ADK: variants seen among roughly 807,000 people sequenced by gnomAD.
The protein encoded by ADK is adenosine kinase.
In ADK, 24 loss-of-function variants were observed where a neutral mutation model predicts 44.7. The ratio of observed to expected loss-of-function variants is 0.54; its 90% CI spans 0.39 to 0.76. The LOEUF is 0.76. ADK is among the 30% of genes least tolerant of loss of function. The probability of loss-of-function intolerance (pLI) is 0.00; values close to 1 mark genes in which losing one functional copy is unlikely to be tolerated. For synonymous variants in ADK, 128 were observed against 142.6 expected, an observed-to-expected ratio of 0.90 and a Z score of 0.73; for missense variants, 321 against 425.1, an observed-to-expected ratio of 0.76 and a Z score of 2.15.
chr10:74,351,640 A>G (rs1395465801), intron 4 of ADK, among the ~76,000 whole-genome samples: 1 of 152,208 alleles, frequency 6.6e-6, no homozygotes, highest in Admixed American at 6.5e-5. Flanking sequence ...CTCTGTTTGC[A>G]GATGACATGA....
chr10:74,238,453 G>A (rs559163021), intron 3 of ADK, among the ~76,000 whole-genome samples: 1 of 152,058 alleles, frequency 6.6e-6, no homozygotes, highest in East Asian at 1.9e-4. Context: ...ACTTAGAAAC[G>A]GCCTCAGTAA....
chr10:74,694,299 T>C (rs4746221), intron 10 of ADK, among the ~76,000 whole-genome samples: 105,302 of 151,134 alleles, frequency 0.7, 36,891 homozygotes, highest in Middle Eastern at 0.79. Flanking sequence ...GCCTGTAATC[T>C]GAAAACCTTG....
chr10:74,340,357 T>C (rs1215648037), intron 4 of ADK, among the ~76,000 whole-genome samples: 1 of 152,136 alleles, frequency 6.6e-6, no homozygotes, highest in Non-Finnish European at 1.5e-5. Context: ...TCCCATATAA[T>C]TTTTGAGTAG....
intron 10 of ADK, among the ~76,000 whole-genome samples, chr10:74,687,799 T>C (rs1200389490): frequency 6.6e-6 from 1 of 152,248 alleles, no homozygotes; most frequent in Non-Finnish European, 1.5e-5. Context: ...TGTCCACTTC[T>C]ATTTCTCTGT....
At position 74,151,399 on chromosome 10, in the gene ADK, C is replaced by A. The variant is rs1841580920; in HGVS notation, c.65+56C>A. ...GACGGCGCTGCAAGCAAGCCAGGGC[C>A]CACGTGGGGTTGCACGGCCCCGACG... On this transcript the variant is annotated intron_variant, in intron 1 of 10. Coordinates refer to ENST00000539909, the MANE Select transcript of ADK (RefSeq NM_006721.4). 4 of 1,533,760 alleles carry A rather than the reference C, an allele frequency of 2.6e-6. No individual in the cohort carries two copies. In the East Asian group the frequency reaches 9.8e-5, roughly 38 times the overall value.
At chr10:74,288,167 G>A (rs1487738382) in intron 3 of ADK, among the ~76,000 whole-genome samples, 2 of 151,982 alleles carry the variant, frequency 1.3e-5, no homozygotes, top group Non-Finnish European at 2.9e-5. Flanking sequence ...TAAAATTAAT[G>A]CGGAAGGTTT....
chr10:74,289,419 A>G (rs924938282), intron 3 of ADK, among the ~76,000 whole-genome samples: 2 of 152,186 alleles, frequency 1.3e-5, no homozygotes, highest in Non-Finnish European at 2.9e-5. Flanking sequence ...GGCTAAATAA[A>G]CATTTCACCT....
Position 74,527,701 on chromosome 10 carries a change from G to C in ADK, c.726+2275G>C, listed in dbSNP as rs550311032. On this transcript the variant is annotated intron_variant, in intron 7 of 10. Transcript: ENST00000539909. ...TGTCAAAAATGCCTCTCTTATTTCT[G>C]CATTGTCCACTGGACGTTTTAGTCA... The C allele has an allele frequency of 4.0e-4, 514 of 1,270,700 alleles. 4 individuals are homozygous for C. Among genetic ancestry groups the C allele is most frequent in the Admixed American group, 1.0e-4 (6 of 59,554 alleles). The allele number at this position is 1,270,700 out of a possible 1,614,324, so 78.7% of individuals were successfully genotyped here. A position where few individuals can be genotyped will look rare whatever the true frequency, so the allele number is the denominator to read the frequency against.
chr10:74,244,491 C>G (rs539786389), intron 3 of ADK, among the ~76,000 whole-genome samples: 2 of 152,132 alleles, frequency 1.3e-5, no homozygotes, highest in African/African-American at 4.8e-5. Flanking sequence ...GTTAATATGC[C>G]AGATAACCTT....
intron 9 of ADK, among the ~76,000 whole-genome samples, chr10:74,658,971 T>C (rs1854596552): frequency 6.6e-6 from 1 of 152,056 alleles, no homozygotes; most frequent in Admixed American, 6.6e-5. Flanking sequence ...ATCCCAGTAC[T>C]TCGGGAAGCC....
chr10:74,591,225 T>C (rs1851705094), intron 8 of ADK, among the ~76,000 whole-genome samples: 1 of 152,168 alleles, frequency 6.6e-6, no homozygotes, highest in South Asian at 2.1e-4. Flanking sequence ...ACCTTTCCAT[T>C]AGTTCTTACT....
At chr10:74,459,939 G>A (rs1846109840) in intron 6 of ADK, among the ~76,000 whole-genome samples, 1 of 151,998 alleles carries the variant, frequency 6.6e-6, no homozygotes, top group Non-Finnish European at 1.5e-5. Context: ...ACCCAAGCCT[G>A]TGATCACTTC....
chr10:74,386,263 AT>A (rs1345069503), intron 4 of ADK, among the ~76,000 whole-genome samples: 1 of 152,156 alleles, frequency 6.6e-6, no homozygotes, highest in African/African-American at 2.4e-5. Flanking sequence ...AGTTTTCTGT[AT>A]AAAATTTCAT....
rs1409213101 is a variant in ADK, at chr10:74,654,784, C to G, written c.878-15399C>G. ...TAAGCCAAGATTGTGCCACTGCACT[C>G]CAGCCTGGGTGACAAGAGTGAGACC... On this transcript the variant is annotated intron_variant, in intron 9 of 10. Transcript: ENST00000539909. Among the ~76,000 whole-genome samples the G allele has an allele frequency of 2.6e-5, 4 of 151,186 alleles. No homozygotes were observed. The East Asian group carries it at 7.8e-4, about 29-fold the overall frequency.
intron 7 of ADK, among the ~76,000 whole-genome samples, chr10:74,536,312 A>G (rs1849446312): frequency 6.6e-6 from 1 of 152,014 alleles, no homozygotes; most frequent in African/African-American, 2.4e-5. Flanking sequence ...TTGTTTAGTG[A>G]ACCTAGGGGA....
intron 6 of ADK, among the ~76,000 whole-genome samples, chr10:74,429,661 T>G (rs1048229011): frequency 6.6e-6 from 1 of 152,192 alleles, no homozygotes. Flanking sequence ...ATAGAAAATG[T>G]TTATGGTATA....
intron 6 of ADK, among the ~76,000 whole-genome samples, chr10:74,468,836 A>G (rs1846450755): frequency 1.3e-5 from 2 of 152,298 alleles, no homozygotes; most frequent in South Asian, 4.1e-4. Context: ...ATCTTCTAAT[A>G]CCTAGTTCAT....
intron 1 of ADK, among the ~76,000 whole-genome samples, chr10:74,171,812 G>C (rs58318973): frequency 0.025 from 2,379 of 94,200 alleles, 55 homozygotes; most frequent in African/African-American, 0.1. Flanking sequence ...CTGTCTCTCT[G>C]TGTGTGTGTG....
At position 74,525,431 on chromosome 10, in the gene ADK, G is replaced by A; in HGVS notation, c.726+5G>A. The A allele has an allele frequency of 6.2e-7, 1 of 1,609,140 alleles. No homozygotes were observed. The highest frequency in any genetic ancestry group is 8.5e-7 in the Non-Finnish European group (1 of 1,177,796). ...ATACTTTTTGGAAATGAGACAGTGA[G>A]TTACCTTTCCTTTTTCAAAAGAACC... is the stretch of plus-strand genomic sequence containing the variant. On this transcript the variant is annotated splice_donor_5th_base_variant and intron_variant, in intron 7 of 10. Coordinates refer to ENST00000539909, the MANE Select transcript of ADK (RefSeq NM_006721.4).
Sources: allele counts gnomAD v4.1 joint callset (sites outside exome capture counted in the v4.1 genomes callset), GRCh38; gene constraint gnomAD v4.1.1; transcripts MANE v1.5; gene names NCBI Gene and HGNC (gene_info 2026-07-23, HGNC 2026-07-21).